GRIK1: variants seen among roughly 807,000 people sequenced by gnomAD.
The protein encoded by GRIK1 is glutamate receptor ionotropic, kainate 1.
In GRIK1, 69 loss-of-function variants were observed where a neutral mutation model predicts 105.7. The ratio of observed to expected loss-of-function variants is 0.65; its 90% CI spans 0.54 to 0.80. The LOEUF (loss-of-function observed/expected upper bound fraction) is 0.80, where lower values mean the gene tolerates loss of function less well. GRIK1 is among the 30% of genes least tolerant of loss of function. The pLI is 0.00. For synonymous variants in GRIK1, 438 were observed against 431.3 expected (o/e 1.02, Z -0.19); for missense variants, 1,109 against 1,167.3 (o/e 0.95, Z 0.73).
chr21:29,847,012 A>G (rs1601841196), intron 1 of GRIK1, among the ~76,000 whole-genome samples: 1 of 152,122 alleles, frequency 6.6e-6, no homozygotes, highest in East Asian at 1.9e-4. Flanking sequence ...ACCTTGTTTA[A>G]TCGACCTCCT....
At chr21:29,864,450 C>T (rs144830718) in intron 1 of GRIK1, among the ~76,000 whole-genome samples, 347 of 152,006 alleles carry the variant, frequency 2.3e-3, no homozygotes, top group African/African-American at 5.5e-3. Context: ...ATGTATTTTC[C>T]GTTTTATTTG....
At chr21:29,676,243 T>G (rs1601428137) in intron 3 of GRIK1, among the ~76,000 whole-genome samples, 1 of 152,192 alleles carries the variant, frequency 6.6e-6, no homozygotes, top group Admixed American at 6.5e-5. Context: ...TAAACTGGCT[T>G]CAGAAAGGGG....
At chr21:29,663,961 A>T (rs1012285128) in intron 4 of GRIK1, among the ~76,000 whole-genome samples, 11 of 152,132 alleles carry the variant, frequency 7.2e-5, no homozygotes, top group Admixed American at 6.6e-5. Context: ...AGAAAAGGAG[A>T]TTGAATCTGA....
At chr21:29,722,005 C>T (rs865972592) in intron 1 of GRIK1, among the ~76,000 whole-genome samples, 8 of 152,170 alleles carry the variant, frequency 5.3e-5, no homozygotes, top group Middle Eastern at 3.4e-3. Flanking sequence ...TATTTCCTGT[C>T]GATGAAAGGA....
At chr21:29,775,952 T>C (rs182387021) in intron 1 of GRIK1, among the ~76,000 whole-genome samples, 162 of 152,334 alleles carry the variant, frequency 1.1e-3, no homozygotes, top group African/African-American at 3.8e-3. Flanking sequence ...TTTAATTGAC[T>C]CAAGGTTCAG....
chr21:29,561,523 G>A, intron 15 of GRIK1, 101 bp downstream of exon 15: 1 of 710,028 alleles, frequency 1.4e-6, no homozygotes. Context: ...GGCATTGTAG[G>A]CCTTCTCAGA....
chr21:29,905,276 T>C (rs776625146), intron 1 of GRIK1, among the ~76,000 whole-genome samples: 7 of 152,090 alleles, frequency 4.6e-5, no homozygotes, highest in Non-Finnish European at 8.8e-5. Context: ...CCTTTGTGTA[T>C]TAAAGAGCAA....
chr21:29,581,456 G>C lies in GRIK1; in HGVS notation c.1881C>G (p.Phe627Leu), dbSNP rs746293848. ...VENNFTLLNS[F>L]WFGVGALMQQ... ...GCATGAGAGCTCCAACTCCAAACCA[G>C]AAACTATTTAGTAAAGTAAAATTGT... The change falls in exon 13 of 18, where the codon TTC becomes TTG. Residue 627 changes from phenylalanine to leucine, a missense_variant. Phe to Leu is a conservative substitution (Grantham distance 22). Transcript: ENST00000327783. 6.2e-7 allele frequency: 1 copy of C among 1,612,516 alleles called. No homozygotes were observed.
At chr21:29,876,440 G>C (rs1160149406) in intron 1 of GRIK1, among the ~76,000 whole-genome samples, 1 of 151,994 alleles carries the variant, frequency 6.6e-6, no homozygotes, top group African/African-American at 2.4e-5. Context: ...TAATTATCTT[G>C]ATTCCACAGA....
At chr21:29,915,393 A>G (rs1242054579) in intron 1 of GRIK1, among the ~76,000 whole-genome samples, 1 of 152,024 alleles carries the variant, frequency 6.6e-6, no homozygotes, top group East Asian at 1.9e-4. Flanking sequence ...TGATACAACT[A>G]AATCATTAAT....
chr21:29,654,732 C>G (rs1470243119), intron 5 of GRIK1, 78 bp downstream of exon 5: 9 of 843,480 alleles, frequency 1.1e-5, no homozygotes, highest in Non-Finnish European at 1.3e-5. Context: ...GCCTTTGACA[C>G]TGGTGAGGCC....
intron 1 of GRIK1, among the ~76,000 whole-genome samples, chr21:29,780,533 C>A (rs752078702): frequency 6.6e-6 from 1 of 152,138 alleles, no homozygotes; most frequent in Non-Finnish European, 1.5e-5. Flanking sequence ...CTAGGGTAAA[C>A]CTGCCTGAAG....
intron 1 of GRIK1, among the ~76,000 whole-genome samples, chr21:29,907,616 A>T (rs1372245642): frequency 6.6e-6 from 1 of 152,146 alleles, no homozygotes; most frequent in East Asian, 1.9e-4. Flanking sequence ...TCTAGTTTTT[A>T]AAATTTATTA....
At chr21:29,705,860 T>A (rs1181428970) in intron 1 of GRIK1, among the ~76,000 whole-genome samples, 1 of 150,858 alleles carries the variant, frequency 6.6e-6, no homozygotes, top group Non-Finnish European at 1.5e-5. Context: ...TATTTTTTTC[T>A]TTCTTTTCTT....
At chr21:29,867,662 C>T (rs1428374442) in intron 1 of GRIK1, among the ~76,000 whole-genome samples, 3 of 151,938 alleles carry the variant, frequency 2.0e-5, no homozygotes, top group South Asian at 2.1e-4. Flanking sequence ...GGCATGGTGG[C>T]GCATGCCTAT....
At chr21:29,550,268 T>A (rs999341627) in intron 16 of GRIK1, among the ~76,000 whole-genome samples, 39 of 152,118 alleles carry the variant, frequency 2.6e-4, no homozygotes, top group African/African-American at 9.2e-4. Flanking sequence ...CAATTGAATA[T>A]CATAAAATTT....
At chr21:29,811,097 G>C (rs1201766366) in intron 1 of GRIK1, among the ~76,000 whole-genome samples, 1 of 152,048 alleles carries the variant, frequency 6.6e-6, no homozygotes. Context: ...CGCTGCTGCT[G>C]GCTCCGAGTG....
chr21:29,766,367 G>A (rs1489979440), intron 1 of GRIK1, among the ~76,000 whole-genome samples: 1 of 152,104 alleles, frequency 6.6e-6, no homozygotes, highest in Non-Finnish European at 1.5e-5. Context: ...CTTCCAGTGG[G>A]TAGAGGCCAG....
chr21:29,609,422 G>A (rs891828844), intron 7 of GRIK1, among the ~76,000 whole-genome samples: 8 of 152,180 alleles, frequency 5.3e-5, no homozygotes, highest in African/African-American at 1.9e-4. Context: ...GGTCACACCA[G>A]GTGTGATGGT....
Sources: allele counts gnomAD v4.1 joint callset (sites outside exome capture counted in the v4.1 genomes callset), GRCh38; gene constraint gnomAD v4.1.1; transcripts MANE v1.5; gene names NCBI Gene and HGNC (gene_info 2026-07-23, HGNC 2026-07-21).